The following NAA15 variants were observed in gnomAD, a reference collection of about 807,000 sequenced individuals.
The protein encoded by NAA15 is N-alpha-acetyltransferase 15, NatA auxiliary subunit.
Under a neutral mutation model 114.0 loss-of-function variants are expected in NAA15, and 34 were observed. The observed-to-expected ratio is 0.30, with a 90% CI of 0.23 to 0.40. The LOEUF (loss-of-function observed/expected upper bound fraction) is 0.40. NAA15 is among the 10% of genes least tolerant of loss of function. NAA15 has a pLI of 1.00. For missense variants in NAA15, 658 were observed against 1,004.5 expected (o/e 0.66, Z 4.66); for synonymous variants, 340 against 338.0 (o/e 1.01, Z -0.06).
chr4:139,301,996 T>A (rs2110802281), intron 1 of NAA15, 165 bp downstream of exon 1: 1 of 667,640 alleles, frequency 1.5e-6, no homozygotes, highest in East Asian at 3.3e-5. Context: ...CTGTGGTTCC[T>A]ACTATGGCCC....
intron 1 of NAA15, among the ~76,000 whole-genome samples, chr4:139,311,506 C>T (rs1181895527): frequency 6.6e-6 from 1 of 151,838 alleles, no homozygotes; most frequent in East Asian, 1.9e-4. Context: ...TATGGTAAGA[C>T]TTTGAAGTTT....
Position 139,354,149 on chromosome 4 carries a change from T to C in NAA15, c.1087+51T>C, listed in dbSNP as rs777510105. 6 of 1,426,566 alleles carry C rather than the reference T, an allele frequency of 4.2e-6. No individual in the cohort carries two copies. The South Asian group carries it at 7.0e-5, about 17-fold the overall frequency. 88.4% of individuals were successfully genotyped at this position (1,426,566 alleles called of 1,614,324 possible). ...AAAACATCTTGAAAATTTTAATACA[T>C]TGTGAAATTCTTAATCAGAAGGTCA... On this transcript the variant is annotated intron_variant, in intron 10 of 19. Transcript: ENST00000296543.
intron 1 of NAA15, among the ~76,000 whole-genome samples, chr4:139,310,543 A>T (rs1004729502): frequency 1.3e-5 from 2 of 151,388 alleles, no homozygotes; most frequent in Non-Finnish European, 2.9e-5. Flanking sequence ...TCTCCCCCAG[A>T]TACCTGTGTG....
chr4:139,323,299 CACCTTG>C (rs1430642153), intron 1 of NAA15, among the ~76,000 whole-genome samples: 1 of 152,122 alleles, frequency 6.6e-6, no homozygotes, highest in Non-Finnish European at 1.5e-5. Flanking sequence ...TCAGGTGATG[CACCTTG>C]GCCTTGGCCT....
At chr4:139,302,929 G>C (rs1489954127) in intron 1 of NAA15, among the ~76,000 whole-genome samples, 1 of 152,198 alleles carries the variant, frequency 6.6e-6, no homozygotes, top group Non-Finnish European at 1.5e-5. Flanking sequence ...AGAATTAACT[G>C]TATTTGCCAA....
intron 19 of NAA15, 169 bp downstream of exon 19, chr4:139,386,399 C>T: frequency 2.2e-6 from 1 of 451,024 alleles, no homozygotes; most frequent in Non-Finnish European, 3.9e-6. Context: ...ACTAGTTTCA[C>T]ATCTGTAGCT....
intron 2 of NAA15, 97 bp downstream of exon 2, chr4:139,334,355 C>T (rs1747127273): frequency 1.5e-6 from 1 of 655,398 alleles, no homozygotes; most frequent in Non-Finnish European, 2.5e-6. Context: ...CCAGAGAGAA[C>T]AGACCCTCTC....
chr4:139,339,847 G>A (rs1747325054), intron 3 of NAA15, among the ~76,000 whole-genome samples: 1 of 152,130 alleles, frequency 6.6e-6, no homozygotes, highest in African/African-American at 2.4e-5. Context: ...AGGTGGGTTG[G>A]GTAGCTGGTA....
At chr4:139,381,254 T>A (rs913654718) in intron 17 of NAA15, among the ~76,000 whole-genome samples, 2 of 152,198 alleles carry the variant, frequency 1.3e-5, no homozygotes, top group African/African-American at 2.4e-5. Flanking sequence ...TTTATGATTT[T>A]AAATTTTAAA....
chr4:139,314,454 A>G (rs1746315467), intron 1 of NAA15, among the ~76,000 whole-genome samples: 1 of 151,950 alleles, frequency 6.6e-6, no homozygotes, highest in South Asian at 2.1e-4. Context: ...TGTTTTCAAA[A>G]CAAGCAATGT....
chr4:139,347,851 C>T (rs896663303), intron 6 of NAA15, among the ~76,000 whole-genome samples: 5 of 149,676 alleles, frequency 3.3e-5, no homozygotes, highest in South Asian at 2.1e-4. Flanking sequence ...GCTAACAAGG[C>T]GAAACCCCGT....
In NAA15 at chr4:139,389,194, AT is replaced by A. The variant is rs71600201; in HGVS notation, c.*1132del. 0.12 allele frequency: 13,137 copies of A among 113,280 alleles called. 1,333 individuals carry two copies. The highest frequency in any genetic ancestry group is 0.32 in the African/African-American group (9,836 of 30,274). 7.0% of individuals were successfully genotyped at this position (113,280 alleles called of 1,614,324 possible). On this transcript the variant is annotated 3_prime_UTR_variant, in exon 20 of 20. Coordinates refer to ENST00000296543, the MANE Select transcript of NAA15 (RefSeq NM_057175.5). ...CTTTGTAATTTTTAAAGGGCCCAAG[AT>A]TTTTTTTTTTTTTTTTTTTTTCAAA...
intron 6 of NAA15, among the ~76,000 whole-genome samples, chr4:139,348,452 CAAA>C (rs35328479): frequency 1.8e-4 from 16 of 87,992 alleles, no homozygotes; most frequent in Admixed American, 4.0e-4. Context: ...GACTGTATCA[CAAA>C]AAAAAAAAAA....
chr4:139,380,105 G>A (rs938872141), intron 17 of NAA15, among the ~76,000 whole-genome samples: 3 of 152,132 alleles, frequency 2.0e-5, no homozygotes, highest in African/African-American at 7.2e-5. Context: ...ATTATACTAC[G>A]CTTGTCCAAA....
Position 139,383,074 on chromosome 4 carries a change from G to C in NAA15, c.2156-1758G>C, listed in dbSNP as rs55831651. Among the ~76,000 whole-genome samples the C allele has an allele frequency of 9.6e-3, 1,463 of 152,138 alleles. 9 individuals carry two copies. The highest frequency in any genetic ancestry group is 0.016 in the Non-Finnish European group (1,072 of 68,002). On this transcript the variant is annotated intron_variant, in intron 17 of 19. Transcript: ENST00000296543. Reference sequence around the variant, plus strand: ...TATGGATATGGAATATGTATTTGTCGCAGTACAAATACCTGATTAAAGTGA... The same window carrying C: ...TATGGATATGGAATATGTATTTGTCCCAGTACAAATACCTGATTAAAGTGA...
chr4:139,381,139 T>A (rs1748742774), intron 17 of NAA15, among the ~76,000 whole-genome samples: 1 of 152,208 alleles, frequency 6.6e-6, no homozygotes, highest in South Asian at 2.1e-4. Context: ...TATGTTGTTA[T>A]ACTAACAATG....
intron 1 of NAA15, among the ~76,000 whole-genome samples, chr4:139,321,363 T>C (rs1350101826): frequency 6.6e-6 from 1 of 152,052 alleles, no homozygotes; most frequent in East Asian, 1.9e-4. Context: ...TGGGTCTCAC[T>C]GTGTTTCCCA....
intron 6 of NAA15, among the ~76,000 whole-genome samples, chr4:139,349,244 T>C (rs1747699985): frequency 6.6e-6 from 1 of 152,074 alleles, no homozygotes; most frequent in Non-Finnish European, 1.5e-5. Context: ...ATTGAGGATG[T>C]GAAGAGGATG....
intron 1 of NAA15, among the ~76,000 whole-genome samples, chr4:139,306,079 T>G (rs1022627618): frequency 6.6e-6 from 1 of 152,216 alleles, no homozygotes. Context: ...AAATTCAGTT[T>G]TGTTGTATAT....
Sources: allele counts gnomAD v4.1 joint callset (sites outside exome capture counted in the v4.1 genomes callset), GRCh38; gene constraint gnomAD v4.1.1; transcripts MANE v1.5; gene names NCBI Gene and HGNC (gene_info 2026-07-23, HGNC 2026-07-21).